The following RTN4 variants were observed in gnomAD, a reference collection of about 807,000 sequenced individuals.
RTN4 encodes the protein reticulon-4.
In RTN4, 32 loss-of-function variants were observed where a neutral mutation model predicts 90.4. The observed-to-expected ratio is 0.35, with a 90% CI of 0.27 to 0.48. RTN4 has a LOEUF of 0.48. Ranked by LOEUF, RTN4 falls within the 20% of genes least tolerant of loss-of-function variation. The pLI is 0.99. For missense variants in RTN4, 1,706 were observed against 1,430.2 expected (o/e 1.19, Z -3.11); for synonymous variants, 629 against 552.5 (o/e 1.14, Z -1.94).
chr2:54,997,804 C>A, intron 3 of RTN4, among the ~76,000 whole-genome samples: 1 of 152,148 alleles, frequency 6.6e-6, no homozygotes, highest in South Asian at 2.1e-4. Flanking sequence ...AAAGACACCA[C>A]ATTCATTTAA....
At chr2:55,125,014 C>T in the RTN4 span, among the ~76,000 whole-genome samples, 157 of 152,152 alleles carry the variant, frequency 1.0e-3, no homozygotes, top group African/African-American at 3.1e-3. Flanking sequence ...TAGCCATATG[C>T]GGAAGATTGA....
intron 3 of RTN4, among the ~76,000 whole-genome samples, chr2:54,994,400 C>T (rs1245905886): frequency 6.6e-6 from 1 of 152,148 alleles, no homozygotes; most frequent in Non-Finnish European, 1.5e-5. Flanking sequence ...TGGCCTTTAT[C>T]TCAGAAATAC....
the RTN4 span, among the ~76,000 whole-genome samples, chr2:55,128,764 T>C: frequency 6.6e-6 from 1 of 151,032 alleles, no homozygotes; most frequent in African/African-American, 2.4e-5. Flanking sequence ...TAATATTCAG[T>C]ATACCAGCAA....
At chr2:55,038,087 G>T (rs1312710382) in intron 1 of RTN4, among the ~76,000 whole-genome samples, 1 of 151,986 alleles carries the variant, frequency 6.6e-6, no homozygotes, top group Admixed American at 6.6e-5. Flanking sequence ...GTATGGAAAA[G>T]AAACAAATAA....
chr2:55,108,061 T>C (rs1054094408), intron 1 of RTN4, among the ~76,000 whole-genome samples: 1 of 151,946 alleles, frequency 6.6e-6, no homozygotes, highest in African/African-American at 2.4e-5. Context: ...GTTCAAGTGA[T>C]TCTCCTGCCT....
chr2:55,034,102 C>A (rs1015179915), intron 1 of RTN4, among the ~76,000 whole-genome samples: 1 of 152,092 alleles, frequency 6.6e-6, no homozygotes, highest in Admixed American at 6.5e-5. Flanking sequence ...TCTGTATTTC[C>A]CCTAAGAACA....
chr2:55,050,149 T>A lies in RTN4; in HGVS notation c.152A>T (p.Glu51Val). Residue 51 changes from glutamate to valine, a missense_variant, in exon 1 of 9, where the codon GAG (glutamate) becomes GTG (valine). Glu to Val is a moderately radical substitution (Grantham distance 121). Coordinates refer to ENST00000337526, the MANE Select transcript of RTN4 (RefSeq NM_020532.5). This position sits in a 1 kb window ranked among gnomAD's most constrained non-coding sequence, Gnocchi z 4.6. ...GGGCTTCCTCTCCAGCACCTCCAGC[T>A]CCTCCAGGTCTTCGTCCTCGTCCTC... ...EEEDEDEDLE[E>V]LEVLERKPAA... is the part of the protein sequence containing the mutation. 6.4e-7 allele frequency: 1 copy of A among 1,556,262 alleles called. No homozygotes were observed. The highest frequency in any genetic ancestry group is 8.6e-7 in the Non-Finnish European group (1 of 1,159,030).
intron 3 of RTN4, chr2:55,010,146 T>A: frequency 6.2e-7 from 1 of 1,613,184 alleles, no homozygotes; most frequent in South Asian, 1.1e-5. Flanking sequence ...GCTTTGCAGC[T>A]CCAATTATTA....
At chr2:55,037,501 C>G (rs1046593755) in intron 1 of RTN4, among the ~76,000 whole-genome samples, 3 of 152,216 alleles carry the variant, frequency 2.0e-5, no homozygotes. Context: ...AGGTGCAGAT[C>G]TCACTCAGCC....
intron 2 of RTN4, among the ~76,000 whole-genome samples, chr2:55,069,882 A>G (rs890345843): frequency 3.3e-5 from 5 of 152,238 alleles, no homozygotes; most frequent in African/African-American, 1.2e-4. Context: ...GAATTAAGCC[A>G]AATGCTGGCT....
chr2:55,080,302 A>T (rs1429049064), intron 2 of RTN4, among the ~76,000 whole-genome samples: 1 of 152,058 alleles, frequency 6.6e-6, no homozygotes, highest in Non-Finnish European at 1.5e-5. Flanking sequence ...ACAGGTGTGA[A>T]CCAATATGCC....
At chr2:55,103,337 G>A (rs1032607661) in intron 1 of RTN4, among the ~76,000 whole-genome samples, 1 of 151,874 alleles carries the variant, frequency 6.6e-6, no homozygotes, top group African/African-American at 2.4e-5. Context: ...ATGGGGAGAT[G>A]ATGATTAAAG....
At position 55,027,344 on chromosome 2, in the gene RTN4, A is replaced by C; in HGVS notation, c.755T>G (p.Leu252Arg). 1.2e-6 allele frequency: 2 copies of C among 1,613,722 alleles called. No homozygotes were observed. The highest frequency in any genetic ancestry group is 8.5e-7 in the Non-Finnish European group (1 of 1,179,774). Residue 252 changes from leucine (L) to arginine (R), a missense_variant, in exon 3 of 9, where the codon CTT becomes CGT. By Grantham distance (102) the Leu-to-Arg change is moderately radical. Transcript: ENST00000337526. Reference sequence around the variant, plus strand: ...GGGTAATACTGTTGACAAATTACCAAGGTATTCATGTTCTTTGAAAGAAGC... The same window carrying C: ...GGGTAATACTGTTGACAAATTACCACGGTATTCATGTTCTTTGAAAGAAGC... ...SAASFKEHEY[L>R]GNLSTVLPTE...
chr2:55,115,979 G>A (rs1342441949), upstream of RTN4, among the ~76,000 whole-genome samples: 2 of 152,036 alleles, frequency 1.3e-5, no homozygotes, highest in Non-Finnish European at 2.9e-5. Context: ...TTTGTAAAGT[G>A]ACAGCAAAGA....
intron 3 of RTN4, among the ~76,000 whole-genome samples, chr2:55,021,762 G>C (rs1211330113): frequency 6.6e-6 from 1 of 152,126 alleles, no homozygotes; most frequent in Non-Finnish European, 1.5e-5. Flanking sequence ...ATTGTCAGTG[G>C]TATAGCCAAG....
chr2:55,088,310 T>A (rs761597373), intron 1 of RTN4, among the ~76,000 whole-genome samples: 7 of 152,258 alleles, frequency 4.6e-5, no homozygotes, highest in Non-Finnish European at 1.0e-4. Flanking sequence ...TTGGTCTGCA[T>A]CAGATCTTAG....
At position 55,063,786 on chromosome 2, in the gene RTN4, C is replaced by G. The variant is rs186739616; in HGVS notation, c.-63+16703G>C. On this transcript the variant is annotated intron_variant, in intron 2 of 3. Transcript: ENST00000427710. ...GTCCCACCTACTTGGGAAGTTGAGG[C>G]AGGAGAATTGCTTGAACCTGGGAGG... 8.0e-3 allele frequency among the ~76,000 whole-genome samples: 1,216 copies of G among 151,916 alleles called. 12 individuals are homozygous for G. The highest frequency in any genetic ancestry group is 0.028 in the African/African-American group (1,163 of 41,396).
In RTN4 at chr2:55,026,888, T is replaced by C. The variant is rs1406359370; in HGVS notation, c.1211A>G (p.Asp404Gly). The stretch of plus-strand genomic sequence containing the variant: ...GATTTTACCTCCAGCAGCCAACATA[T>C]CACTATCTTCCTTACTATCTTTCAC... The part of the protein sequence containing the change: ...WEVKDSKEDS[D>G]MLAAGGKIES... Residue 404 changes from aspartate to glycine, a missense_variant, in exon 3 of 9, where the codon GAT becomes GGT. Transcript: ENST00000337526. 9.9e-6 allele frequency: 16 copies of C among 1,613,870 alleles called. No individual in the cohort carries two copies. Among genetic ancestry groups the C allele is most frequent in the African/African-American group, 1.3e-5 (1 of 75,024 alleles).
chr2:55,091,275 A>G (rs1668930556), intron 1 of RTN4, among the ~76,000 whole-genome samples: 1 of 151,792 alleles, frequency 6.6e-6, no homozygotes, highest in African/African-American at 2.4e-5. Flanking sequence ...CGTGTTTACC[A>G]CTCTGACCTC....
Sources: gnomAD v4.1 joint callset for allele counts (sites outside exome capture counted in the v4.1 genomes callset) on GRCh38, gnomAD v4.1.1 for gene constraint, Gnocchi (gnomAD v3.1) non-coding constraint, MANE v1.5 for transcripts, NCBI Gene and HGNC (gene_info 2026-07-23, HGNC 2026-07-21) for gene names.